Variants in JADE3 observed in about 807,000 individuals in gnomAD.
JADE3 encodes jade family PHD finger 3, also known as protein Jade-3.
JADE3 carries 2 observed loss-of-function variants against 50.1 expected under a neutral mutation model. That is an observed-to-expected ratio of 0.04 (90% CI 0.02 to 0.13). The LOEUF is 0.13. Among genes scored for constraint, JADE3 ranks in the 10% least tolerant of loss-of-function variants. The probability of loss-of-function intolerance (pLI) is 1.00; values close to 1 mark genes in which losing one functional copy is unlikely to be tolerated. For synonymous variants in JADE3, 218 were observed against 232.9 expected, an observed-to-expected ratio of 0.94 and a Z score of 0.58; for missense variants, 475 against 634.4, an observed-to-expected ratio of 0.75 and a Z score of 2.70.
At chrX:46,967,268 C>T (rs1927387953) in intron 1 of JADE3, among the ~76,000 whole-genome samples, 1 of 111,984 alleles carries the variant, frequency 8.9e-6, no homozygotes, top group African/African-American at 3.2e-5. Context: ...AGTTTCATCA[C>T]ATTGAACAAT....
chrX:46,999,028 C>T lies in JADE3; in HGVS notation c.284+751C>T, dbSNP rs1477080770. Among the ~76,000 whole-genome samples, 4 of 111,141 alleles carry T rather than the reference C, an allele frequency of 3.6e-5. No individual in the cohort carries two copies. In the East Asian group the frequency reaches 1.1e-3, roughly 31 times the overall value. On this transcript the variant is annotated intron_variant, in intron 4 of 10. Coordinates refer to ENST00000614628, the MANE Select transcript of JADE3 (RefSeq NM_014735.5). ...GTATAATTTATAAAGAAATATTTGGCTCACAGTTCTAAAGACTGGGAAGTC... is the reference window on the plus strand; with the variant it reads ...GTATAATTTATAAAGAAATATTTGGTTCACAGTTCTAAAGACTGGGAAGTC...
intron 1 of JADE3, among the ~76,000 whole-genome samples, chrX:46,944,948 A>G (rs974493827): frequency 3.7e-5 from 4 of 109,186 alleles, no homozygotes; most frequent in East Asian, 2.9e-4. Flanking sequence ...GGCTCAAGCA[A>G]TCCTCCCACT....
intron 3 of JADE3, among the ~76,000 whole-genome samples, chrX:46,994,837 C>T (rs1192288049): frequency 9.0e-6 from 1 of 111,562 alleles, no homozygotes; most frequent in Non-Finnish European, 1.9e-5. Context: ...TTACTGTGAG[C>T]TCCATACTGT....
chrX:47,057,020 CAG>C (rs1569538978), intron 10 of JADE3, among the ~76,000 whole-genome samples: 2 of 111,826 alleles, frequency 1.8e-5, no homozygotes, highest in Non-Finnish European at 3.8e-5. Flanking sequence ...TGGGTCTCAA[CAG>C]AGTAGTGTAG....
chrX:46,946,402 T>C (rs1419603639), intron 1 of JADE3, among the ~76,000 whole-genome samples: 1 of 111,591 alleles, frequency 9.0e-6, no homozygotes, highest in Non-Finnish European at 1.9e-5. Flanking sequence ...GGAGGTAGCA[T>C]AATGTAGTGG....
intron 4 of JADE3, among the ~76,000 whole-genome samples, chrX:47,021,023 A>G (rs781827165): frequency 3.2e-4 from 35 of 110,441 alleles, no homozygotes; most frequent in Non-Finnish European, 1.1e-4. Context: ...CTGAGGTGGC[A>G]GGATCACTTG....
intron 3 of JADE3, among the ~76,000 whole-genome samples, chrX:46,995,378 G>A (rs1053535575): frequency 9.0e-6 from 1 of 111,357 alleles, no homozygotes; most frequent in African/African-American, 3.3e-5. Context: ...ACTTTAAACT[G>A]TAAAACAAAA....
chrX:46,948,230 A>C (rs1926926094), intron 1 of JADE3, among the ~76,000 whole-genome samples: 1 of 112,349 alleles, frequency 8.9e-6, no homozygotes, highest in Non-Finnish European at 1.9e-5. Flanking sequence ...GATAATTGCT[A>C]AAGTATGTGA....
At chrX:46,972,612 TC>T (rs1322156164) in intron 1 of JADE3, among the ~76,000 whole-genome samples, 1 of 111,564 alleles carries the variant, frequency 9.0e-6, no homozygotes, top group Non-Finnish European at 1.9e-5. Flanking sequence ...TCTGTTTTTT[TC>T]TTTTTTGAGA....
At chrX:47,033,059 T>C (rs1204188145) in intron 6 of JADE3, among the ~76,000 whole-genome samples, 2 of 112,051 alleles carry the variant, frequency 1.8e-5, no homozygotes, top group East Asian at 2.8e-4. Context: ...ATTAGTGTAA[T>C]ATTCTATTCA....
chrX:46,984,208 T>C (rs1031687226), intron 1 of JADE3, among the ~76,000 whole-genome samples: 1 of 112,513 alleles, frequency 8.9e-6, no homozygotes, highest in African/African-American at 3.2e-5. Context: ...GCTTCTTTTT[T>C]ATCTGTCATT....
At chrX:46,976,990 G>A (rs1489542296) in intron 1 of JADE3, among the ~76,000 whole-genome samples, 2 of 111,832 alleles carry the variant, frequency 1.8e-5, no homozygotes, top group Non-Finnish European at 3.8e-5. Context: ...AAGAGGGCTA[G>A]TCCTTCTATG....
chrX:47,010,794 T>C (rs1928544538), intron 4 of JADE3, among the ~76,000 whole-genome samples: 1 of 111,272 alleles, frequency 9.0e-6, no homozygotes, highest in African/African-American at 3.3e-5. Flanking sequence ...TTGGACTTTT[T>C]CAGACGTTTC....
chrX:46,974,359 C>T (rs781948396), intron 1 of JADE3, among the ~76,000 whole-genome samples: 52 of 110,481 alleles, frequency 4.7e-4, no homozygotes, highest in African/African-American at 1.5e-3. Flanking sequence ...GAGCCAAGAT[C>T]GCGCCACTGT....
chrX:46,928,098 T>C (rs1352202325), intron 1 of JADE3, among the ~76,000 whole-genome samples: 1 of 111,916 alleles, frequency 8.9e-6, no homozygotes, highest in African/African-American at 3.2e-5. Context: ...GAGCACACAA[T>C]CTTAAGAGAT....
intron 4 of JADE3, among the ~76,000 whole-genome samples, chrX:47,003,647 T>TA (rs1569537002): frequency 1.4e-4 from 14 of 100,620 alleles, no homozygotes; most frequent in African/African-American, 5.0e-4. Context: ...AGATATAAAT[T>TA]TATATATATA....
chrX:46,919,280 C>T (rs949522289), intron 1 of JADE3, among the ~76,000 whole-genome samples: 8 of 111,536 alleles, frequency 7.2e-5, no homozygotes, highest in Admixed American at 2.9e-4. Flanking sequence ...AGCATTATCA[C>T]GAAAACCCTA....
At chrX:46,988,489 A>C (rs1190462273) in intron 3 of JADE3, among the ~76,000 whole-genome samples, 1 of 111,731 alleles carries the variant, frequency 9.0e-6, no homozygotes, top group African/African-American at 3.3e-5. Flanking sequence ...AGTATATAGT[A>C]AACATTTGTT....
chrX:46,949,592 C>T (rs1383125952), intron 1 of JADE3, among the ~76,000 whole-genome samples: 1 of 111,615 alleles, frequency 9.0e-6, no homozygotes, highest in Non-Finnish European at 1.9e-5. Context: ...GCATAATTTA[C>T]GTATAGTAAA....
Sources: allele counts gnomAD v4.1 joint callset (sites outside exome capture counted in the v4.1 genomes callset), GRCh38; gene constraint gnomAD v4.1.1; transcripts MANE v1.5; gene names NCBI Gene and HGNC (gene_info 2026-07-23, HGNC 2026-07-21).